Variants in KIF1B observed in about 807,000 individuals in gnomAD.
The protein encoded by KIF1B is kinesin-like protein KIF1B.
In KIF1B, 76 loss-of-function variants were observed where a neutral mutation model predicts 241.9. The observed-to-expected ratio is 0.31, with a 90% CI of 0.26 to 0.38. The LOEUF is 0.38. Ranked by LOEUF, KIF1B falls within the 10% of genes least tolerant of loss-of-function variation. KIF1B has a pLI of 1.00. For synonymous variants in KIF1B, 750 were observed against 796.7 expected (o/e 0.94, Z 0.99); for missense variants, 1,622 against 2,271.4 (o/e 0.71, Z 5.81).
At chr1:10,229,380 T>C (rs968785050) in intron 1 of KIF1B, among the ~76,000 whole-genome samples, 1 of 152,120 alleles carries the variant, frequency 6.6e-6, no homozygotes, top group African/African-American at 2.4e-5. Context: ...GAAATGTATG[T>C]CATTCATTTC....
At chr1:10,367,685 C>T (rs540704476) in intron 43 of KIF1B, among the ~76,000 whole-genome samples, 4 of 151,680 alleles carry the variant, frequency 2.6e-5, no homozygotes, top group African/African-American at 9.7e-5. Context: ...CAGGTGTGCA[C>T]CACCATGCCC....
chr1:10,359,541 G>T (rs371466097), intron 38 of KIF1B, among the ~76,000 whole-genome samples: 1 of 151,968 alleles, frequency 6.6e-6, no homozygotes, highest in African/African-American at 2.4e-5. Flanking sequence ...GAAAAAAAAC[G>T]ATATTAGAAC....
At position 10,361,773 on chromosome 1, in the gene KIF1B, C is replaced by T; in HGVS notation, c.4252C>T (p.Pro1418Ser). Residue 1418 changes from proline to serine, a missense_variant, in exon 40 of 49, where the codon CCA becomes TCA. By Grantham distance (74) the Pro-to-Ser change is moderately conservative. Coordinates refer to ENST00000676179, the MANE Select transcript of KIF1B (RefSeq NM_001365951.3). ...CTCCCGAGATGCCAAGATCTCACCA[C>T]CACGCTCTCTGCGTAGCCTCTTTGG... ...FYSRDAKISP[P>S]RSLRSLFGSG... The T allele has an allele frequency of 1.9e-6, 3 of 1,614,176 alleles. No homozygotes were observed. The highest frequency in any genetic ancestry group is 2.5e-6 in the Non-Finnish European group (3 of 1,180,034).
At chr1:10,280,941 G>A (rs1483319381) in intron 14 of KIF1B, among the ~76,000 whole-genome samples, 4 of 152,090 alleles carry the variant, frequency 2.6e-5, no homozygotes, top group Non-Finnish European at 4.4e-5. Flanking sequence ...GGGCTTGCAT[G>A]TGACCATTGG....
intron 2 of KIF1B, among the ~76,000 whole-genome samples, chr1:10,236,331 A>AT (rs1647052126): frequency 6.6e-6 from 1 of 151,996 alleles, no homozygotes; most frequent in Non-Finnish European, 1.5e-5. Context: ...ATTTGGGAAA[A>AT]TTTTCAGAAT....
intron 1 of KIF1B, among the ~76,000 whole-genome samples, chr1:10,221,305 C>T (rs1646842292): frequency 6.6e-6 from 1 of 151,968 alleles, no homozygotes; most frequent in Non-Finnish European, 1.5e-5. Context: ...ACCATGTTGG[C>T]CAGGCTGGTC....
intron 15 of KIF1B, among the ~76,000 whole-genome samples, chr1:10,283,966 T>C (rs1353109676): frequency 6.6e-6 from 1 of 152,250 alleles, no homozygotes; most frequent in African/African-American, 2.4e-5. Flanking sequence ...ATATGTCAGA[T>C]GCTTTCATTT....
chr1:10,267,668 G>A, intron 6 of KIF1B, 110 bp downstream of exon 6: 1 of 975,298 alleles, frequency 1.0e-6, no homozygotes, highest in Non-Finnish European at 1.6e-6. Flanking sequence ...TGCTTTAATT[G>A]TGGAGTCCTC....
At chr1:10,269,502 G>A (rs1198655859) in intron 7 of KIF1B, among the ~76,000 whole-genome samples, 15 of 140,790 alleles carry the variant, frequency 1.1e-4, no homozygotes, top group African/African-American at 3.8e-4. Context: ...GTGACAGAGC[G>A]AGACTCTGTC....
Position 10,371,236 on chromosome 1 carries a change from C to T in KIF1B, c.4920C>T (p.Asp1640=), listed in dbSNP as rs1403107697. Residue 1640 remains aspartate (D), a synonymous_variant, in exon 45 of 49, where the codon GAC becomes GAT. Transcript: ENST00000676179. The part of the protein sequence containing the change: ...TPSSTCPSLV[D]SRSNSLDQKT... ...CCTCCACCTGTCCCTCTCTGGTAGA[C>T]TCTAGGAGCAACTCTCTGGATCAGA... 1.2e-6 allele frequency: 2 copies of T among 1,614,146 alleles called. No individual in the cohort carries two copies. Among genetic ancestry groups the T allele is most frequent in the Non-Finnish European group, 1.7e-6 (2 of 1,179,974 alleles).
At chr1:10,372,306 G>A (rs1050475821) in intron 45 of KIF1B, among the ~76,000 whole-genome samples, 1 of 151,934 alleles carries the variant, frequency 6.6e-6, no homozygotes, top group African/African-American at 2.4e-5. Context: ...GGGCTGAGGT[G>A]GGAGGATTGC....
At chr1:10,276,254 T>G in intron 11 of KIF1B, 67 bp from the exon 12 acceptor site, 1 of 995,886 alleles carries the variant, frequency 1.0e-6, no homozygotes, top group East Asian at 2.4e-5. Flanking sequence ...ATATCAGATT[T>G]GACACATTCC....
intron 28 of KIF1B, 50 bp downstream of exon 28, chr1:10,334,688 C>A (rs780578773): frequency 1.4e-6 from 2 of 1,428,930 alleles, no homozygotes; most frequent in Admixed American, 3.4e-5. Flanking sequence ...TGTCTAGAGA[C>A]AAAGCAGGCT....
chr1:10,292,801 A>G (rs955623003), intron 17 of KIF1B, among the ~76,000 whole-genome samples: 1 of 152,248 alleles, frequency 6.6e-6, no homozygotes, highest in African/African-American at 2.4e-5. Context: ...GAAAATGACT[A>G]TCAAATGGTT....
intron 2 of KIF1B, among the ~76,000 whole-genome samples, chr1:10,238,729 AC>A (rs1401336907): frequency 1.6e-4 from 24 of 152,058 alleles, no homozygotes; most frequent in Non-Finnish European, 2.5e-4. Context: ...AACAACAACA[AC>A]AACAACAAAA....
At chr1:10,229,291 T>A (rs1646947891) in intron 1 of KIF1B, among the ~76,000 whole-genome samples, 1 of 152,090 alleles carries the variant, frequency 6.6e-6, no homozygotes, top group South Asian at 2.1e-4. Context: ...AAGATTAATA[T>A]AAAAATATGT....
chr1:10,241,270 A>C (rs1185315836), intron 2 of KIF1B, among the ~76,000 whole-genome samples: 1 of 151,426 alleles, frequency 6.6e-6, no homozygotes, highest in Non-Finnish European at 1.5e-5. Context: ...CACCCAGCTA[A>C]TTTTTAATTT....
intron 27 of KIF1B, among the ~76,000 whole-genome samples, chr1:10,332,293 T>G (rs1213874286): frequency 6.6e-6 from 1 of 151,936 alleles, no homozygotes; most frequent in Non-Finnish European, 1.5e-5. Flanking sequence ...CTCGAACTCC[T>G]GACCTCAGGT....
intron 41 of KIF1B, among the ~76,000 whole-genome samples, chr1:10,364,034 T>A (rs1638496684): frequency 1.3e-5 from 2 of 152,002 alleles, no homozygotes. Flanking sequence ...TAATATAAAT[T>A]CATGTATTTA....
Sources: gnomAD v4.1 joint callset for allele counts (sites outside exome capture counted in the v4.1 genomes callset) on GRCh38, gnomAD v4.1.1 for gene constraint, MANE v1.5 for transcripts, NCBI Gene and HGNC (gene_info 2026-07-23, HGNC 2026-07-21) for gene names.